Variants in CFAP92 observed in about 807,000 individuals in gnomAD.
The protein encoded by CFAP92 is uncharacterized protein CFAP92.
Under a neutral mutation model 106.3 loss-of-function variants are expected in CFAP92, and 86 were observed. That is an observed-to-expected ratio of 0.81 (90% CI 0.68 to 0.97). The LOEUF is 0.97. Among genes scored for constraint, CFAP92 ranks in the 50% least tolerant of loss-of-function variants. The pLI is 0.00. For missense variants in CFAP92, 1,204 were observed against 1,283.8 expected (o/e 0.94, Z 0.95); for synonymous variants, 477 against 506.4 (o/e 0.94, Z 0.78).
chr3:128,945,673 G>A lies in CFAP92; in HGVS notation c.1656C>T (p.Pro552=). The A allele has an allele frequency of 2.0e-6, 3 of 1,536,128 alleles. No homozygotes were observed. Among genetic ancestry groups the A allele is most frequent in the East Asian group, 4.9e-5 (2 of 40,918 alleles). The change falls in exon 10 of 16, where the codon CCC becomes CCT. Residue 552 remains proline, a synonymous_variant. Transcript: ENST00000645291. ...ACCACATCTTGTTCTGGGACTCAAA[G>A]GGGTTGTTCTCTGTCTCTCTGGGAG... ...LISPRETENN[P]FESQNKMWYP...
At chr3:128,911,777 A>T (rs960602121) in intron 15 of CFAP92, among the ~76,000 whole-genome samples, 1 of 152,214 alleles carries the variant, frequency 6.6e-6, no homozygotes, top group African/African-American at 2.4e-5. Flanking sequence ...GGGAAGGCTC[A>T]CGAAGGGAGG....
At position 129,001,001 on chromosome 3, in the gene CFAP92, A is replaced by G. The variant is rs377524983; in HGVS notation, n.117+1573T>C. 1.3e-4 allele frequency among the ~76,000 whole-genome samples: 20 copies of G among 152,370 alleles called. 1 individual carries two copies. Among genetic ancestry groups the G allele is most frequent in the Admixed American group, 4.6e-4 (7 of 15,308 alleles). On this transcript the variant is annotated intron_variant and non_coding_transcript_variant, in intron 1 of 4. Transcript: ENST00000510149. ...ATGGTGGCACAAGAAGTGGGTTCGG[A>G]AACCCAGTAGCTGAATTGAAGCGGA...
Position 129,001,517 on chromosome 3 carries a change from C to T in CFAP92, n.117+1057G>A, listed in dbSNP as rs947381450. The T allele has an allele frequency of 3.8e-6, 5 of 1,328,354 alleles. No individual in the cohort carries two copies. The African/African-American group carries it at 7.7e-5, about 21-fold the overall frequency. The allele number at this position is 1,328,354 out of a possible 1,614,324, so 82.3% of individuals were successfully genotyped here. ...ACACGGTCCCCGGCGCCGCTCCAAC[C>T]AGACCGCGACCGCTAAGCCCCTCCT... On this transcript the variant is annotated intron_variant and non_coding_transcript_variant, in intron 1 of 4. Coordinates refer to the CFAP92 transcript ENST00000510149.
intron 12 of CFAP92, among the ~76,000 whole-genome samples, chr3:128,918,972 A>T (rs148844504): frequency 0.018 from 2,160 of 118,574 alleles, 63 homozygotes; most frequent in African/African-American, 0.069. Context: ...TTTGAGACAG[A>T]GTTTTGCTCT....
intron 10 of CFAP92, among the ~76,000 whole-genome samples, chr3:128,942,165 A>G (rs72977134): frequency 0.021 from 3,173 of 152,044 alleles, 103 homozygotes; most frequent in African/African-American, 0.07. Flanking sequence ...CACAGAACTT[A>G]CTGAAAATGA....
chr3:128,925,847 G>A (rs1241886552), intron 12 of CFAP92, among the ~76,000 whole-genome samples: 1 of 152,190 alleles, frequency 6.6e-6, no homozygotes, highest in African/African-American at 2.4e-5. Flanking sequence ...AAGACTGGCA[G>A]CTGACCAACA....
chr3:129,024,958 G>A, the CFAP92 span, among the ~76,000 whole-genome samples: 1 of 152,200 alleles, frequency 6.6e-6, no homozygotes, highest in Non-Finnish European at 1.5e-5. Flanking sequence ...GCCAAACCCA[G>A]CGGCCACTCT....
At chr3:128,974,120 G>A (rs1012433539) in intron 7 of CFAP92, among the ~76,000 whole-genome samples, 9 of 152,222 alleles carry the variant, frequency 5.9e-5, no homozygotes, top group Non-Finnish European at 1.2e-4. Context: ...GAATAGGAAT[G>A]AGTTTTCTTC....
intron 11 of CFAP92, among the ~76,000 whole-genome samples, chr3:128,934,515 G>A (rs995967910): frequency 6.6e-5 from 10 of 151,780 alleles, no homozygotes; most frequent in South Asian, 2.1e-4. Flanking sequence ...CACCGCATCC[G>A]GCCTGTTTTT....
In CFAP92 at chr3:128,975,923, A is replaced by G; in HGVS notation, c.897-20T>C. The G allele has an allele frequency of 3.8e-6, 6 of 1,588,768 alleles. No homozygotes were observed. The South Asian group carries it at 5.8e-5, about 15-fold the overall frequency. On this transcript the variant is annotated intron_variant, in intron 6 of 15. Coordinates refer to ENST00000645291, the MANE Select transcript of CFAP92 (RefSeq NM_001394090.1). ...CTCCATCTAGAAAATTCACAAAGAGAAAAATTAATGAAGGTGAAAAAAATC... is the reference window on the plus strand; with the variant it reads ...CTCCATCTAGAAAATTCACAAAGAGGAAAATTAATGAAGGTGAAAAAAATC...
upstream of CFAP92, chr3:129,003,789 C>A: frequency 6.9e-7 from 1 of 1,440,404 alleles, no homozygotes; most frequent in Non-Finnish European, 9.1e-7. Context: ...GCCCTGTCCC[C>A]GCAGGTCGGA....
intron 15 of CFAP92, among the ~76,000 whole-genome samples, chr3:128,913,698 C>G (rs1473894381): frequency 6.6e-6 from 1 of 152,072 alleles, no homozygotes; most frequent in Non-Finnish European, 1.5e-5. Flanking sequence ...GTGGGGCTGG[C>G]CTGAGCATTC....
the CFAP92 span, among the ~76,000 whole-genome samples, chr3:129,022,521 C>T: frequency 1.6e-4 from 25 of 152,216 alleles, no homozygotes; most frequent in Admixed American, 1.4e-3. Context: ...CCTGGGCTGG[C>T]GGCCAGATGT....
At chr3:128,937,338 C>T (rs376856015) in intron 10 of CFAP92, among the ~76,000 whole-genome samples, 1 of 147,960 alleles carries the variant, frequency 6.8e-6, no homozygotes, top group Non-Finnish European at 1.5e-5. Flanking sequence ...AAAAACCACG[C>T]GTAGTGGTTT....
chr3:128,928,343 C>T (rs773023190), intron 12 of CFAP92, among the ~76,000 whole-genome samples: 3 of 152,136 alleles, frequency 2.0e-5, no homozygotes, highest in Non-Finnish European at 4.4e-5. Context: ...TGTGGAAATG[C>T]AAAGGACCCA....
chr3:128,959,713 T>C lies in CFAP92; in HGVS notation c.1353+5798A>G, dbSNP rs532321301. Among the ~76,000 whole-genome samples the C allele has an allele frequency of 2.7e-3, 415 of 152,266 alleles. 2 individuals are homozygous for C. Among genetic ancestry groups the C allele is most frequent in the Non-Finnish European group, 5.2e-3 (357 of 68,008 alleles). ...TCATGACCTGCATGTGAAGAGCACC[T>C]GCGGCATAGTAGGAGACCTCAGGAC... On this transcript the variant is annotated intron_variant, in intron 9 of 15. Transcript: ENST00000645291.
chr3:128,986,664 C>T (rs1293664568), intron 4 of CFAP92, among the ~76,000 whole-genome samples: 1 of 152,162 alleles, frequency 6.6e-6, no homozygotes, highest in African/African-American at 2.4e-5. Flanking sequence ...AGGTAGACCA[C>T]GCCGGTCAAC....
chr3:129,014,021 C>T, the CFAP92 span, among the ~76,000 whole-genome samples: 2 of 152,164 alleles, frequency 1.3e-5, no homozygotes, highest in African/African-American at 4.8e-5. This position sits in a 1 kb window ranked among gnomAD's most constrained non-coding sequence, Gnocchi z 4.3. Context: ...CCTGGAGCCA[C>T]CCAAAGTCAG....
chr3:128,953,816 G>A (rs375064744), intron 9 of CFAP92, among the ~76,000 whole-genome samples: 4,996 of 120,602 alleles, frequency 0.041, 97 homozygotes, highest in Non-Finnish European at 0.048. Context: ...TGTGTTGGCC[G>A]GGCCGGTCTC....
Sources: allele counts gnomAD v4.1 joint callset (sites outside exome capture counted in the v4.1 genomes callset), GRCh38; gene constraint gnomAD v4.1.1; non-coding constraint Gnocchi (gnomAD v3.1); transcripts MANE v1.5; gene names NCBI Gene and HGNC (gene_info 2026-07-23, HGNC 2026-07-21).